Variants in MACROD2 observed in about 807,000 individuals in gnomAD.
The protein encoded by MACROD2 is mono-ADP ribosylhydrolase 2.
In MACROD2, 36 loss-of-function variants were observed where a neutral mutation model predicts 70.4. That is an observed-to-expected ratio of 0.51 (90% CI 0.39 to 0.68). The LOEUF (loss-of-function observed/expected upper bound fraction) is 0.68. Ranked by LOEUF, MACROD2 falls within the 30% of genes least tolerant of loss-of-function variation. The probability of loss-of-function intolerance (pLI) is 0.00; values close to 1 mark genes in which losing one functional copy is unlikely to be tolerated. For synonymous variants in MACROD2, 172 were observed against 178.8 expected (o/e 0.96, Z 0.30); for missense variants, 496 against 538.4 (o/e 0.92, Z 0.78).
chr20:14,744,299 G>T (rs1396957242), intron 5 of MACROD2, among the ~76,000 whole-genome samples: 1 of 151,986 alleles, frequency 6.6e-6, no homozygotes, highest in Non-Finnish European at 1.5e-5. Context: ...TATGTTTTCA[G>T]GTAAAACCCA....
At chr20:15,151,110 A>G (rs1415502302) in intron 5 of MACROD2, among the ~76,000 whole-genome samples, 1 of 152,070 alleles carries the variant, frequency 6.6e-6, no homozygotes, top group Non-Finnish European at 1.5e-5. Flanking sequence ...TAAGCCGAGA[A>G]GATCTGGGAA....
At position 13,995,735 on chromosome 20, in the gene MACROD2, A is replaced by G. The variant is rs1339123966; in HGVS notation, c.-29A>G. The G allele has an allele frequency of 2.0e-5, 32 of 1,563,342 alleles. No homozygotes were observed. Among genetic ancestry groups the G allele is most frequent in the Non-Finnish European group, 2.6e-5 (30 of 1,149,974 alleles). On this transcript the variant is annotated 5_prime_UTR_variant, in exon 1 of 18. Coordinates refer to ENST00000684519, the MANE Select transcript of MACROD2 (RefSeq NM_001351661.2). This position sits in a 1 kb window ranked among gnomAD's most constrained non-coding sequence, Gnocchi z 4.3. ...TTGCCCGTGAGCCTGGGGAACTTGC[A>G]GCTTAAAGCCAGCCACCCCCACGGC...
chr20:14,006,463 ATC>A (rs1214756658), intron 2 of MACROD2, among the ~76,000 whole-genome samples: 5 of 152,198 alleles, frequency 3.3e-5, no homozygotes, highest in Non-Finnish European at 7.3e-5. Flanking sequence ...ATATGTATGT[ATC>A]TCTAAAAGAT....
intron 5 of MACROD2, among the ~76,000 whole-genome samples, chr20:14,760,804 C>A (rs1226442138): frequency 6.6e-6 from 1 of 152,108 alleles, no homozygotes; most frequent in Non-Finnish European, 1.5e-5. Context: ...ACTTAGGTCT[C>A]CACTTATTAT....
At chr20:16,026,947 G>A (rs1292720981) in intron 15 of MACROD2, among the ~76,000 whole-genome samples, 1 of 152,146 alleles carries the variant, frequency 6.6e-6, no homozygotes. Context: ...ACTCTTTCAG[G>A]TGTGTGTATG....
At chr20:15,026,007 A>G (rs1055553218) in intron 5 of MACROD2, among the ~76,000 whole-genome samples, 1 of 152,206 alleles carries the variant, frequency 6.6e-6, no homozygotes, top group Admixed American at 6.5e-5. Context: ...GTTATAAGGA[A>G]TTAAGCCTTA....
intron 10 of MACROD2, among the ~76,000 whole-genome samples, chr20:15,921,392 G>A (rs764779260): frequency 5.3e-5 from 8 of 152,144 alleles, no homozygotes; most frequent in African/African-American, 9.7e-5. Flanking sequence ...ACCGGCCATC[G>A]GCACTCCCGC....
At chr20:15,825,688 ATAC>A (rs1394497645) in intron 8 of MACROD2, among the ~76,000 whole-genome samples, 1 of 152,134 alleles carries the variant, frequency 6.6e-6, no homozygotes, top group East Asian at 1.9e-4. Context: ...TATTGAATAT[ATAC>A]TACAACAATG....
At chr20:15,243,360 C>T (rs150501077) in intron 6 of MACROD2, among the ~76,000 whole-genome samples, 1,584 of 152,174 alleles carry the variant, frequency 0.01, 11 homozygotes, top group South Asian at 0.017. Context: ...AGAACTGAGG[C>T]AAAATACCTT....
intron 8 of MACROD2, among the ~76,000 whole-genome samples, chr20:15,697,627 G>A (rs1444865485): frequency 1.3e-5 from 2 of 152,198 alleles, no homozygotes; most frequent in African/African-American, 2.4e-5. Flanking sequence ...CTGTCTTGAT[G>A]ATCTGTCTAG....
At chr20:14,813,910 C>A (rs1260202091) in intron 5 of MACROD2, among the ~76,000 whole-genome samples, 1 of 151,958 alleles carries the variant, frequency 6.6e-6, no homozygotes, top group Non-Finnish European at 1.5e-5. Context: ...TTTCTGGTGA[C>A]CAGCCCCCAT....
intron 5 of MACROD2, among the ~76,000 whole-genome samples, chr20:15,092,651 T>C (rs2075801089): frequency 6.6e-6 from 1 of 152,024 alleles, no homozygotes. Context: ...TTTCTTGATA[T>C]TTCTTTTATC....
chr20:15,603,232 C>A (rs147465592), intron 8 of MACROD2, among the ~76,000 whole-genome samples: 235 of 152,108 alleles, frequency 1.5e-3, no homozygotes, highest in Non-Finnish European at 2.8e-3. Flanking sequence ...GGAGTGGTGG[C>A]TCATGCTTGT....
chr20:15,638,171 C>T (rs891481827), intron 8 of MACROD2, among the ~76,000 whole-genome samples: 1 of 152,200 alleles, frequency 6.6e-6, no homozygotes, highest in African/African-American at 2.4e-5. Context: ...AAGAAACCCT[C>T]AGTATTAGGG....
Position 15,457,329 on chromosome 20 carries a change from C to T in MACROD2, c.571+25894C>T, listed in dbSNP as rs953696613. On this transcript the variant is annotated intron_variant, in intron 7 of 17. Transcript: ENST00000684519. ...ATGATAGATCTGGAAGTTATAAAAC[C>T]TTTTGCTGTTCAAATTGACCGTACC... Among the ~76,000 whole-genome samples the T allele has an allele frequency of 6.6e-5, 10 of 151,986 alleles. 1 individual carries two copies. Among genetic ancestry groups the T allele is most frequent in the African/African-American group, 2.4e-4 (10 of 41,368 alleles).
In MACROD2 at chr20:15,196,502, A is replaced by G. The variant is rs188654995; in HGVS notation, c.419-33438A>G. On this transcript the variant is annotated intron_variant, in intron 5 of 17. Transcript: ENST00000684519. The stretch of plus-strand genomic sequence containing the variant: ...TGAATGTCTTAGAGGACCATAAACC[A>G]TAATCCTTGGGATTATACCTTCCAT... Among the ~76,000 whole-genome samples, 231 of 152,300 alleles carry G rather than the reference A, an allele frequency of 1.5e-3. 1 individual carries two copies. The highest frequency in any genetic ancestry group is 5.3e-3 in the African/African-American group (222 of 41,568).
chr20:14,286,907 G>A (rs1239263480), intron 3 of MACROD2, among the ~76,000 whole-genome samples: 1 of 152,142 alleles, frequency 6.6e-6, no homozygotes, highest in Non-Finnish European at 1.5e-5. Flanking sequence ...AGATTTCAAA[G>A]CAATTAATAA....
chr20:15,056,644 A>C (rs6043076), intron 5 of MACROD2, among the ~76,000 whole-genome samples: 21,665 of 152,074 alleles, frequency 0.14, 4,087 homozygotes, highest in African/African-American at 0.43. Flanking sequence ...AAAAAAAAAA[A>C]GTTTGGAATC....
chr20:15,536,136 A>G (rs192987486), intron 8 of MACROD2, among the ~76,000 whole-genome samples: 1 of 152,336 alleles, frequency 6.6e-6, no homozygotes, highest in Admixed American at 6.5e-5. Context: ...TCTGATTTCC[A>G]GAGGCTCGAA....
Sources: gnomAD v4.1 joint callset for allele counts (sites outside exome capture counted in the v4.1 genomes callset) on GRCh38, gnomAD v4.1.1 for gene constraint, Gnocchi (gnomAD v3.1) non-coding constraint, MANE v1.5 for transcripts, NCBI Gene and HGNC (gene_info 2026-07-23, HGNC 2026-07-21) for gene names.